The following HOOK3 variants were observed in gnomAD, a reference collection of about 807,000 sequenced individuals.
HOOK3 encodes hook microtubule tethering protein 3.
In HOOK3, 24 loss-of-function variants were observed where a neutral mutation model predicts 116.3. The observed-to-expected ratio is 0.21, with a 90% CI of 0.15 to 0.29. The LOEUF is 0.29. Among genes scored for constraint, HOOK3 ranks in the 10% least tolerant of loss-of-function variants. The pLI is 1.00. For missense variants in HOOK3, 632 were observed against 830.2 expected, an observed-to-expected ratio of 0.76 and a Z score of 2.93; for synonymous variants, 275 against 283.0, an observed-to-expected ratio of 0.97 and a Z score of 0.28.
At chr8:42,978,397 C>G (rs1808868397) in intron 13 of HOOK3, among the ~76,000 whole-genome samples, 1 of 150,720 alleles carries the variant, frequency 6.6e-6, no homozygotes, top group South Asian at 2.1e-4. Flanking sequence ...GTGCCTACCA[C>G]CATGCCTGGC....
chr8:42,956,623 C>T (rs1808440988), intron 6 of HOOK3, among the ~76,000 whole-genome samples: 2 of 152,104 alleles, frequency 1.3e-5, no homozygotes, highest in African/African-American at 4.8e-5. Flanking sequence ...CTCGCCCTGT[C>T]GCCCAGACTA....
chr8:42,919,953 G>GT (rs71550428), intron 2 of HOOK3, among the ~76,000 whole-genome samples: 11,459 of 144,918 alleles, frequency 0.079, 467 homozygotes, highest in South Asian at 0.098. Flanking sequence ...GAGGGAGAGG[G>GT]TTTTTTTTTT....
intron 15 of HOOK3, among the ~76,000 whole-genome samples, chr8:42,992,982 C>G (rs1809196419): frequency 6.6e-6 from 1 of 151,836 alleles, no homozygotes; most frequent in South Asian, 2.1e-4. Flanking sequence ...GAGGTATGTT[C>G]CTTTTATACC....
intron 14 of HOOK3, among the ~76,000 whole-genome samples, chr8:42,985,905 C>A (rs1809040746): frequency 6.6e-6 from 1 of 152,102 alleles, no homozygotes; most frequent in Non-Finnish European, 1.5e-5. Context: ...TTCTTTCTTT[C>A]TTTGATTTTT....
At chr8:42,967,960 C>G in intron 10 of HOOK3, 53 bp from the exon 11 acceptor site, 1 of 1,009,142 alleles carries the variant, frequency 9.9e-7, no homozygotes. Context: ...ACTGAAACAA[C>G]TTTACAAGTG....
chr8:42,908,719 A>G lies in HOOK3; in HGVS notation c.143+2461A>G, dbSNP rs533138671. ...TGAATTTGAAAAACTACTGTAAGGA[A>G]ACATAGGGGGAGAGCTTCTTGTTAT... On this transcript the variant is annotated intron_variant, in intron 2 of 21. Coordinates refer to ENST00000307602, the MANE Select transcript of HOOK3 (RefSeq NM_032410.4). 3.9e-5 allele frequency among the ~76,000 whole-genome samples: 6 copies of G among 152,342 alleles called. No individual in the cohort carries two copies. In the South Asian group the frequency reaches 1.2e-3, roughly 32 times the overall value.
chr8:42,967,879 G>T, intron 10 of HOOK3, 134 bp from the exon 11 acceptor site: 1 of 604,904 alleles, frequency 1.7e-6, no homozygotes, highest in African/African-American at 1.9e-5. Context: ...GTTAACCTGT[G>T]CAGAAAATTA....
At chr8:42,926,374 C>G (rs1586594160) in intron 3 of HOOK3, among the ~76,000 whole-genome samples, 1 of 152,182 alleles carries the variant, frequency 6.6e-6, no homozygotes, top group Non-Finnish European at 1.5e-5. Flanking sequence ...CAACCTTTGC[C>G]TCCCTGGTTC....
intron 1 of HOOK3, among the ~76,000 whole-genome samples, chr8:42,899,312 AG>A (rs1807135358): frequency 1.3e-5 from 2 of 152,244 alleles, no homozygotes; most frequent in Non-Finnish European, 1.5e-5. Context: ...ATAGTATTGT[AG>A]AATAGGCTTT....
chr8:43,007,044 T>G (rs1809506036), intron 17 of HOOK3, among the ~76,000 whole-genome samples: 1 of 144,044 alleles, frequency 6.9e-6, no homozygotes, highest in Non-Finnish European at 1.5e-5. Flanking sequence ...TTTTTTTTTT[T>G]GAGATGGAGT....
At chr8:42,989,861 A>G (rs1270273596) in intron 15 of HOOK3, among the ~76,000 whole-genome samples, 2 of 152,020 alleles carry the variant, frequency 1.3e-5, no homozygotes, top group Non-Finnish European at 2.9e-5. Flanking sequence ...TGTGCCTGTT[A>G]TTTCACTTAA....
At chr8:42,981,313 A>T (rs745756771) in intron 13 of HOOK3, among the ~76,000 whole-genome samples, 60 of 151,838 alleles carry the variant, frequency 4.0e-4, no homozygotes, top group Non-Finnish European at 6.9e-4. Context: ...TCGGCCTCCC[A>T]AAGTGCTGGG....
At chr8:42,913,636 A>G (rs1807476856) in intron 2 of HOOK3, among the ~76,000 whole-genome samples, 1 of 152,136 alleles carries the variant, frequency 6.6e-6, no homozygotes, top group Non-Finnish European at 1.5e-5. Context: ...ATTCTGTTTC[A>G]CCTAGGAGAG....
rs1009350427 is a variant in HOOK3 at position 42,907,836 on chromosome 8, A to C, written c.143+1578A>C. Among the ~76,000 whole-genome samples, 24 of 150,930 alleles carry C rather than the reference A, an allele frequency of 1.6e-4. No individual in the cohort carries two copies. In the East Asian group the frequency reaches 2.7e-3, roughly 17 times the overall value. On this transcript the variant is annotated intron_variant, in intron 2 of 21. Transcript: ENST00000307602. ...CGAGGCAAAAAAAAAAAAAAAAAAA[A>C]AAACAGTAAAAGGTGTCTAAATAGG...
Position 42,976,080 on chromosome 8 carries a change from A to AT in HOOK3, c.1321+1892dup, listed in dbSNP as rs540363516. Among the ~76,000 whole-genome samples, 8 of 151,948 alleles carry AT rather than the reference A, an allele frequency of 5.3e-5. No individual in the cohort carries two copies. The East Asian group carries it at 1.5e-3, about 29-fold the overall frequency. Reference sequence around the variant, plus strand: ...TGTGTGTGTATATATATGTATATATATTTTTTAATCCAAGTGCCATAAGAG... The same window carrying AT: ...TGTGTGTGTATATATATGTATATATATTTTTTTAATCCAAGTGCCATAAGAG... On this transcript the variant is annotated intron_variant, in intron 13 of 21. Transcript: ENST00000307602.
intron 2 of HOOK3, among the ~76,000 whole-genome samples, chr8:42,919,518 G>T (rs534575455): frequency 2.0e-5 from 3 of 152,054 alleles, no homozygotes; most frequent in Non-Finnish European, 4.4e-5. Context: ...AGGCAGAGAC[G>T]CTCCTCACTT....
chr8:42,908,049 C>A (rs963322200), intron 2 of HOOK3, among the ~76,000 whole-genome samples: 4 of 151,876 alleles, frequency 2.6e-5, no homozygotes, highest in African/African-American at 9.7e-5. Flanking sequence ...AAAAAGAAAT[C>A]AAGAAAACAA....
In HOOK3 at chr8:43,021,785, C is replaced by T. The variant is rs774006684; in HGVS notation, c.*3287C>T. On this transcript the variant is annotated 3_prime_UTR_variant, in exon 22 of 22. Transcript: ENST00000307602. ...CCGGGTTCACGCCATTCTCCTGCCTCAGCCTCCTGAGTAGCGGGGACTACA... is the reference window on the plus strand; with the variant it reads ...CCGGGTTCACGCCATTCTCCTGCCTTAGCCTCCTGAGTAGCGGGGACTACA... The T allele has an allele frequency of 1.3e-5, 2 of 157,458 alleles. No individual in the cohort carries two copies. Among genetic ancestry groups the T allele is most frequent in the Non-Finnish European group, 2.8e-5 (2 of 71,270 alleles). 9.8% of individuals were successfully genotyped at this position (157,458 alleles called of 1,614,324 possible).
At chr8:42,983,153 T>C (rs920211113) in intron 14 of HOOK3, among the ~76,000 whole-genome samples, 5 of 152,092 alleles carry the variant, frequency 3.3e-5, no homozygotes, top group African/African-American at 4.8e-5. Context: ...GCTAACACGG[T>C]GAAACCCTGT....
Sources: allele counts gnomAD v4.1 joint callset (sites outside exome capture counted in the v4.1 genomes callset), GRCh38; gene constraint gnomAD v4.1.1; transcripts MANE v1.5; gene names NCBI Gene and HGNC (gene_info 2026-07-23, HGNC 2026-07-21).